Variants in TIMM10 observed in about 807,000 individuals in gnomAD.
The protein encoded by TIMM10 is mitochondrial import inner membrane translocase subunit Tim10.
TIMM10 carries 13 observed loss-of-function variants against 9.1 expected under a neutral mutation model. The ratio of observed to expected loss-of-function variants is 1.42; its 90% CI spans 0.93 to 2.26. TIMM10 has a LOEUF of 2.26. TIMM10 is among the 30% of genes most tolerant of loss of function. The probability of loss-of-function intolerance (pLI) is 0.00; values close to 1 mark genes in which losing one functional copy is unlikely to be tolerated. For missense variants in TIMM10, 82 were observed against 113.6 expected, an observed-to-expected ratio of 0.72 and a Z score of 1.26; for synonymous variants, 40 against 42.1, an observed-to-expected ratio of 0.95 and a Z score of 0.20.
At chr11:57,530,534 G>A (rs1271733149) in intron 1 of TIMM10, 124 bp downstream of exon 1, 1 of 285,884 alleles carries the variant, frequency 3.5e-6, no homozygotes, top group East Asian at 7.0e-5. Context: ...TGAACCTCCA[G>A]GGCCCTGGGA....
Position 57,528,786 on chromosome 11 carries a change from C to T in TIMM10, c.204G>A (p.Lys68=), listed in dbSNP as rs1417658734. The T allele has an allele frequency of 6.2e-7, 1 of 1,613,992 alleles. No individual in the cohort carries two copies. The highest frequency in any genetic ancestry group is 1.3e-5 in the African/African-American group (1 of 74,910). Reference sequence around the variant, plus strand: ...CATCCTGCATAGACAACTCTGTCAACTTTTTGCCCATCCGCTCATGGATGT... The same window carrying T: ...CATCCTGCATAGACAACTCTGTCAATTTTTTGCCCATCCGCTCATGGATGT... ...YLDIHERMGK[K]LTELSMQDEE... The change falls in exon 3 of 3, where the codon AAG becomes AAA. Residue 68 remains lysine, a synonymous_variant. Transcript: ENST00000257245.
At position 57,528,886 on chromosome 11, in the gene TIMM10, G is replaced by A. The variant is rs765842180; in HGVS notation, c.104C>T (p.Pro35Leu). The A allele has an allele frequency of 3.1e-6, 5 of 1,613,630 alleles. No homozygotes were observed. Among genetic ancestry groups the A allele is most frequent in the Middle Eastern group, 1.8e-4 (1 of 5,624 alleles). ...GAGCTCTGCTTCCTTGTAGTGAGGA[G>A]GCACACACTTCCGGTGGCAGGCACT... is the stretch of plus-strand genomic sequence containing the variant. The part of the protein sequence containing the change: ...MTSACHRKCV[P>L]PHYKEAELSK... Residue 35 changes from proline (P) to leucine (L), a missense_variant, in exon 3 of 3, where the codon CCT (proline) becomes CTT (leucine). Physicochemically the swap from Pro to Leu is moderately conservative, Grantham distance 98. Coordinates refer to ENST00000257245, the MANE Select transcript of TIMM10 (RefSeq NM_012456.3).
At chr11:57,530,331 C>G in intron 1 of TIMM10, 97 bp from the exon 2 acceptor site, 1 of 739,196 alleles carries the variant, frequency 1.4e-6, no homozygotes, top group Non-Finnish European at 2.3e-6. Context: ...GCCAGACCAC[C>G]ACGGGCCACT....
chr11:57,530,306 G>T (rs1042660758), intron 1 of TIMM10, 72 bp from the exon 2 acceptor site: 9 of 1,050,270 alleles, frequency 8.6e-6, no homozygotes, highest in Admixed American at 8.0e-5. Flanking sequence ...AGAGGATACA[G>T]AGGACTCACA....
rs371734344 is a variant in TIMM10, at chr11:57,530,106, T to C, written c.71+13A>G. 17 of 1,613,628 alleles carry C rather than the reference T, an allele frequency of 1.1e-5. No individual in the cohort carries two copies. The highest frequency in any genetic ancestry group is 1.4e-5 in the Non-Finnish European group (16 of 1,179,682). ...TTATTTTCCAAGACAGGGTAGCACATAGTTCTCTTTACCTGTTGTACATAT... is the reference window on the plus strand; with the variant it reads ...TTATTTTCCAAGACAGGGTAGCACACAGTTCTCTTTACCTGTTGTACATAT... On this transcript the variant is annotated intron_variant, in intron 2 of 2. Coordinates refer to ENST00000257245, the MANE Select transcript of TIMM10 (RefSeq NM_012456.3).
chr11:57,528,945 G>C (rs773764561), intron 2 of TIMM10, 27 bp from the exon 3 acceptor site: 1 of 1,610,972 alleles, frequency 6.2e-7, no homozygotes, highest in South Asian at 1.1e-5. Context: ...GCAAGGTCAT[G>C]TCAGCAGCAT....
chr11:57,529,047 T>C, intron 2 of TIMM10, 129 bp from the exon 3 acceptor site: 1 of 949,532 alleles, frequency 1.1e-6, no homozygotes, highest in Non-Finnish European at 1.6e-6. Context: ...AGTTTACACC[T>C]CAACCACTGG....
At position 57,530,218 on chromosome 11, in the gene TIMM10, C is replaced by T. The variant is rs1443327758; in HGVS notation, c.-29G>A. 1 of 1,612,126 alleles carries T rather than the reference C, an allele frequency of 6.2e-7. No homozygotes were observed. Among genetic ancestry groups the T allele is most frequent in the Non-Finnish European group, 8.5e-7 (1 of 1,178,486 alleles). ...AGCCTAGCACCGTGGAAGGGATCTC[C>T]TTCTGGCCTCCTAATCCTGGGAGCA... On this transcript the variant is annotated 5_prime_UTR_variant, in exon 2 of 3. Coordinates refer to ENST00000257245, the MANE Select transcript of TIMM10 (RefSeq NM_012456.3).
In TIMM10 at chr11:57,528,516, T is replaced by C. The variant is rs867732608; in HGVS notation, c.*201A>G. 3,122 of 324,386 alleles carry C rather than the reference T, an allele frequency of 9.6e-3. 42 individuals are homozygous for C. The highest frequency in any genetic ancestry group is 0.016 in the African/African-American group (667 of 41,326). The allele number at this position is 324,386 out of a possible 1,614,324, so 20.1% of individuals were successfully genotyped here. On this transcript the variant is annotated 3_prime_UTR_variant, in exon 3 of 3. Transcript: ENST00000257245. ...ATATATATATATATATATATATATA[T>C]ACACATACATACACACACAGTCACA... is the stretch of plus-strand genomic sequence containing the variant.
intron 1 of TIMM10, 76 bp from the exon 2 acceptor site, chr11:57,530,310 A>G: frequency 1.0e-6 from 1 of 980,548 alleles, no homozygotes; most frequent in Non-Finnish European, 1.6e-6. Flanking sequence ...GATACAGAGG[A>G]CTCACAGGGC....
At position 57,530,266 on chromosome 11, in the gene TIMM10, G is replaced by A. The variant is rs192646714; in HGVS notation, c.-45-32C>T. 348 of 1,478,030 alleles carry A rather than the reference G, an allele frequency of 2.4e-4. 1 individual carries two copies. The African/African-American group carries it at 4.5e-3, about 19-fold the overall frequency. The allele number at this position is 1,478,030 out of a possible 1,614,324, so 91.6% of individuals were successfully genotyped here. A position where few individuals can be genotyped will look rare whatever the true frequency, so the allele number is the denominator to read the frequency against. On this transcript the variant is annotated intron_variant, in intron 1 of 2. Transcript: ENST00000257245. ...GCAGACATCACCATCAGCACCCACC[G>A]CCGCCGTTCACTCTCCTACCCCTGG...
chr11:57,529,971 G>A (rs1251629533), intron 2 of TIMM10, 148 bp downstream of exon 2: 3 of 762,762 alleles, frequency 3.9e-6, no homozygotes, highest in Middle Eastern at 2.5e-4. Flanking sequence ...TCTACATTAG[G>A]ATCAACCTTG....
rs1944787375 is a variant in TIMM10, at chr11:57,530,364, C to G, written c.-45-130G>C. On this transcript the variant is annotated intron_variant, in intron 1 of 2. Coordinates refer to ENST00000257245, the MANE Select transcript of TIMM10 (RefSeq NM_012456.3). ...ACTAACCTCAGTGAGCTTAACCACCCCATTTCACGGATGTGGAAACTGAGG... is the reference window on the plus strand; with the variant it reads ...ACTAACCTCAGTGAGCTTAACCACCGCATTTCACGGATGTGGAAACTGAGG... 1.0e-5 allele frequency: 6 copies of G among 592,194 alleles called. No individual in the cohort carries two copies. The Admixed American group carries it at 1.2e-4, about 11-fold the overall frequency. 36.7% of individuals were successfully genotyped at this position (592,194 alleles called of 1,614,324 possible).
intron 1 of TIMM10, 100 bp from the exon 2 acceptor site, chr11:57,530,334 G>A: frequency 1.4e-6 from 1 of 730,304 alleles, no homozygotes; most frequent in Non-Finnish European, 2.3e-6. Context: ...AGACCACCAC[G>A]GGCCACTAAC....
chr11:57,528,787 T>C lies in TIMM10; in HGVS notation c.203A>G (p.Lys68Arg). The C allele has an allele frequency of 1.9e-6, 3 of 1,614,070 alleles. No individual in the cohort carries two copies. The highest frequency in any genetic ancestry group is 8.5e-7 in the Non-Finnish European group (1 of 1,180,024). The part of the protein sequence containing the change: ...YLDIHERMGK[K>R]LTELSMQDEE... Reference sequence around the variant, plus strand: ...ATCCTGCATAGACAACTCTGTCAACTTTTTGCCCATCCGCTCATGGATGTC... The same window carrying C: ...ATCCTGCATAGACAACTCTGTCAACCTTTTGCCCATCCGCTCATGGATGTC... Residue 68 changes from lysine (K) to arginine (R), a missense_variant, in exon 3 of 3, where the codon AAG becomes AGG. Physicochemically the swap from Lys to Arg is conservative, Grantham distance 26. Transcript: ENST00000257245.
intron 2 of TIMM10, 67 bp downstream of exon 2, chr11:57,530,052 C>A: frequency 6.4e-7 from 1 of 1,566,588 alleles, no homozygotes; most frequent in South Asian, 1.1e-5. Flanking sequence ...TGTCATAAGT[C>A]ATTCACCTTC....
At chr11:57,530,340 C>G in intron 1 of TIMM10, 106 bp from the exon 2 acceptor site, 1 of 695,828 alleles carries the variant, frequency 1.4e-6, no homozygotes, top group Non-Finnish European at 2.5e-6. Flanking sequence ...CCACGGGCCA[C>G]TAACCTCAGT....
intron 2 of TIMM10, among the ~76,000 whole-genome samples, chr11:57,529,279 A>G (rs1195922120): frequency 6.6e-6 from 1 of 152,214 alleles, no homozygotes; most frequent in Non-Finnish European, 1.5e-5. Flanking sequence ...GATCACACAG[A>G]GCTGGGTTAT....
At chr11:57,530,527 A>C in intron 1 of TIMM10, 131 bp downstream of exon 1, 2 of 289,216 alleles carry the variant, frequency 6.9e-6, no homozygotes, top group East Asian at 6.9e-5. Flanking sequence ...ACGAACCTGA[A>C]CCTCCAGGGC....
Sources: allele counts gnomAD v4.1 joint callset (sites outside exome capture counted in the v4.1 genomes callset), GRCh38; gene constraint gnomAD v4.1.1; transcripts MANE v1.5; gene names NCBI Gene and HGNC (gene_info 2026-07-23, HGNC 2026-07-21).